SNX29: variants seen among roughly 807,000 people sequenced by gnomAD.
SNX29 encodes sorting nexin-29.
In SNX29, 78 loss-of-function variants were observed where a neutral mutation model predicts 102.1. The observed-to-expected ratio is 0.76, with a 90% confidence interval of 0.64 to 0.92. SNX29 has a LOEUF of 0.92. Among genes scored for constraint, SNX29 ranks in the 40% least tolerant of loss-of-function variants. The probability of loss-of-function intolerance (pLI) is 0.00; values close to 1 mark genes in which losing one functional copy is unlikely to be tolerated. For missense variants in SNX29, 1,280 were observed against 1,061.7 expected, an observed-to-expected ratio of 1.21 and a Z score of -2.86; for synonymous variants, 580 against 414.5, an observed-to-expected ratio of 1.40 and a Z score of -4.85.
chr16:12,515,794 G>A (rs1297353189), intron 19 of SNX29, among the ~76,000 whole-genome samples: 1 of 152,120 alleles, frequency 6.6e-6, no homozygotes, highest in Non-Finnish European at 1.5e-5. Context: ...ATGCAGGCAT[G>A]CGGCAGATAG....
intron 14 of SNX29, among the ~76,000 whole-genome samples, chr16:12,227,887 G>A (rs1200425850): frequency 7.7e-6 from 1 of 129,436 alleles, no homozygotes; most frequent in Non-Finnish European, 1.6e-5. Context: ...GCAACAGAGC[G>A]AGACTCTGTC....
At chr16:11,987,183 G>C (rs888559249) in intron 1 of SNX29, among the ~76,000 whole-genome samples, 1 of 151,680 alleles carries the variant, frequency 6.6e-6, no homozygotes, top group Non-Finnish European at 1.5e-5. Context: ...TTCCTCCTCA[G>C]CTCCCCAGGA....
chr16:12,455,451 C>G (rs2086493715), intron 18 of SNX29, among the ~76,000 whole-genome samples: 2 of 152,176 alleles, frequency 1.3e-5, no homozygotes. Context: ...GTGGCGGTGG[C>G]CACCTGCTGC....
intron 20 of SNX29, among the ~76,000 whole-genome samples, chr16:12,549,616 C>T (rs907886860): frequency 6.6e-6 from 1 of 152,232 alleles, no homozygotes; most frequent in Non-Finnish European, 1.5e-5. Context: ...GAGTCCTTGC[C>T]CTCCACACGC....
At chr16:12,531,215 A>C (rs2076923436) in intron 20 of SNX29, among the ~76,000 whole-genome samples, 1 of 152,262 alleles carries the variant, frequency 6.6e-6, no homozygotes, top group South Asian at 2.1e-4. Context: ...AGGGAGCCCC[A>C]AGTCATCCCC....
chr16:12,175,651 C>G lies in SNX29; in HGVS notation c.1596-23950C>G, dbSNP rs78201447. ...GGGTGGACACAGCAAGACTCCGTCTCAAAAAAAAAAAAAAAGTACGGGGCT... is the reference window on the plus strand; with the variant it reads ...GGGTGGACACAGCAAGACTCCGTCTGAAAAAAAAAAAAAAAGTACGGGGCT... On this transcript the variant is annotated intron_variant, in intron 13 of 20. Transcript: ENST00000566228. Among the ~76,000 whole-genome samples, 701 of 117,590 alleles carry G rather than the reference C, an allele frequency of 6.0e-3. 2 individuals are homozygous for G. Among genetic ancestry groups the G allele is most frequent in the Non-Finnish European group, 0.01 (578 of 55,932 alleles). 77.1% of individuals were successfully genotyped at this position (117,590 alleles called of 152,430 possible). A position where few individuals can be genotyped will look rare whatever the true frequency, so the allele number is the denominator to read the frequency against.
intron 15 of SNX29, among the ~76,000 whole-genome samples, chr16:12,329,390 G>A (rs1466368945): frequency 1.3e-5 from 2 of 151,888 alleles, no homozygotes; most frequent in Non-Finnish European, 1.5e-5. Flanking sequence ...GCTACTAGCA[G>A]CTGTGTCCAG....
At chr16:12,545,947 A>T (rs938332895) in intron 20 of SNX29, among the ~76,000 whole-genome samples, 1 of 152,116 alleles carries the variant, frequency 6.6e-6, no homozygotes, top group African/African-American at 2.4e-5. Flanking sequence ...TATTATCCTG[A>T]CAACTAAGGG....
chr16:12,547,340 G>C (rs1195716645), intron 20 of SNX29, among the ~76,000 whole-genome samples: 1 of 152,218 alleles, frequency 6.6e-6, no homozygotes, highest in Non-Finnish European at 1.5e-5. Context: ...TTGCAGCCAA[G>C]GGAACTCTAG....
At chr16:12,454,897 C>A (rs917752142) in intron 18 of SNX29, among the ~76,000 whole-genome samples, 3 of 151,998 alleles carry the variant, frequency 2.0e-5, no homozygotes, top group African/African-American at 7.3e-5. Context: ...AGGCATGCAC[C>A]ACCATGCCTG....
chr16:12,330,689 G>A (rs1395146851), intron 15 of SNX29, among the ~76,000 whole-genome samples: 2 of 152,206 alleles, frequency 1.3e-5, no homozygotes, highest in Non-Finnish European at 2.9e-5. Context: ...ACCAGCACGC[G>A]AGTCCTGGCG....
At chr16:12,457,426 G>T (rs537745753) in intron 18 of SNX29, among the ~76,000 whole-genome samples, 1 of 152,172 alleles carries the variant, frequency 6.6e-6, no homozygotes, top group Non-Finnish European at 1.5e-5. Context: ...GTGATTGGGA[G>T]GCATCTGTCT....
chr16:12,304,256 G>A (rs929183837), intron 15 of SNX29, among the ~76,000 whole-genome samples: 3 of 150,838 alleles, frequency 2.0e-5, no homozygotes, highest in Non-Finnish European at 4.4e-5. Context: ...TGGAGACCTT[G>A]TGGCATGTGG....
At chr16:12,353,818 A>T (rs80031475) in intron 15 of SNX29, among the ~76,000 whole-genome samples, 1,764 of 152,302 alleles carry the variant, frequency 0.012, 16 homozygotes, top group Non-Finnish European at 0.02. Flanking sequence ...TTTACTCTTA[A>T]AGCAGTGGAA....
Position 12,573,998 on chromosome 16 carries a change from C to T in SNX29, c.*5369C>T, listed in dbSNP as rs1034700791. 6 of 197,912 alleles carry T rather than the reference C, an allele frequency of 3.0e-5. No individual in the cohort carries two copies. The highest frequency in any genetic ancestry group is 6.1e-5 in the Admixed American group (1 of 16,506). 12.3% of individuals were successfully genotyped at this position (197,912 alleles called of 1,614,324 possible). ...GGGCGCCCATGATCGGCTCCCAGTG[C>T]ACCCCCTTAAGGGTAAGCAGGCCAC... is the stretch of plus-strand genomic sequence containing the variant. On this transcript the variant is annotated 3_prime_UTR_variant, in exon 21 of 21. Transcript: ENST00000566228.
intron 3 of SNX29, among the ~76,000 whole-genome samples, chr16:12,020,549 T>A (rs1454268751): frequency 1.3e-5 from 2 of 152,010 alleles, no homozygotes; most frequent in African/African-American, 4.8e-5. Flanking sequence ...TAGGATTGAT[T>A]TCTGCTCCTG....
chr16:12,317,644 T>G (rs2080793443), intron 15 of SNX29, among the ~76,000 whole-genome samples: 2 of 152,206 alleles, frequency 1.3e-5, no homozygotes, highest in African/African-American at 4.8e-5. Context: ...TGCATTTAAT[T>G]AACACCTGAC....
intron 15 of SNX29, among the ~76,000 whole-genome samples, chr16:12,321,870 G>A (rs1174952475): frequency 6.6e-6 from 1 of 152,216 alleles, no homozygotes; most frequent in African/African-American, 2.4e-5. Context: ...GAGAGCCGGG[G>A]ATATCACAGC....
chr16:12,452,284 A>G (rs1455052612), intron 18 of SNX29, among the ~76,000 whole-genome samples: 3 of 152,250 alleles, frequency 2.0e-5, no homozygotes, highest in Admixed American at 6.5e-5. Context: ...TATTGTCACA[A>G]CTGGGGTGGC....
Sources: gnomAD v4.1 joint callset for allele counts (sites outside exome capture counted in the v4.1 genomes callset) on GRCh38, gnomAD v4.1.1 for gene constraint, MANE v1.5 for transcripts, NCBI Gene and HGNC (gene_info 2026-07-23, HGNC 2026-07-21) for gene names.